Variants in NCKAP5 observed in about 807,000 individuals in gnomAD.
The protein encoded by NCKAP5 is NCK associated protein 5, also known as nck-associated protein 5.
NCKAP5 carries 92 observed loss-of-function variants against 167.0 expected under a neutral mutation model. The observed-to-expected ratio is 0.55, with a 90% CI of 0.47 to 0.66. NCKAP5 has a LOEUF of 0.66. NCKAP5 is among the 30% of genes least tolerant of loss of function. The probability of loss-of-function intolerance (pLI) is 0.00; values close to 1 mark genes in which losing one functional copy is unlikely to be tolerated. For synonymous variants in NCKAP5, 891 were observed against 877.4 expected, an observed-to-expected ratio of 1.02 and a Z score of -0.27; for missense variants, 2,378 against 2,315.0, an observed-to-expected ratio of 1.03 and a Z score of -0.56.
At chr2:132,978,960 G>A (rs779945355) in intron 7 of NCKAP5, among the ~76,000 whole-genome samples, 5 of 152,166 alleles carry the variant, frequency 3.3e-5, no homozygotes, top group Non-Finnish European at 7.3e-5. Context: ...AGAGTCAGAA[G>A]CAATTATGGT....
At chr2:133,597,458 A>C in the NCKAP5 span, among the ~76,000 whole-genome samples, 2 of 152,118 alleles carry the variant, frequency 1.3e-5, no homozygotes, top group Admixed American at 1.3e-4. Context: ...TCACGAGGTC[A>C]GGAGACCGAG....
intron 3 of NCKAP5, among the ~76,000 whole-genome samples, chr2:133,438,187 T>C (rs1690614003): frequency 6.6e-6 from 1 of 152,216 alleles, no homozygotes; most frequent in Admixed American, 6.5e-5. Context: ...CATATTTCAG[T>C]GTGAGCCACA....
chr2:132,930,364 G>A (rs956499790), intron 8 of NCKAP5: 6 of 151,976 alleles, frequency 3.9e-5, no homozygotes, highest in Admixed American at 1.3e-4. Flanking sequence ...TATCTATGAA[G>A]GTGTTTCAAG....
intron 11 of NCKAP5, among the ~76,000 whole-genome samples, chr2:132,856,761 C>G (rs1199430251): frequency 3.9e-5 from 6 of 152,144 alleles, no homozygotes. Flanking sequence ...CAGAAGCCCT[C>G]TGATCTGACT....
intron 6 of NCKAP5, among the ~76,000 whole-genome samples, chr2:133,031,103 T>C (rs917130532): frequency 2.0e-5 from 3 of 151,712 alleles, no homozygotes; most frequent in Admixed American, 6.6e-5. Context: ...AACAACTTCA[T>C]ATACAGAAAA....
intron 4 of NCKAP5, among the ~76,000 whole-genome samples, chr2:133,253,304 G>A (rs187015559): frequency 2.8e-4 from 42 of 152,272 alleles, no homozygotes; most frequent in Admixed American, 2.5e-3. Flanking sequence ...GCATTCTGCC[G>A]GACCTTTACA....
chr2:132,841,815 T>G (rs1179885585), intron 11 of NCKAP5, among the ~76,000 whole-genome samples: 1 of 152,160 alleles, frequency 6.6e-6, no homozygotes, highest in Non-Finnish European at 1.5e-5. Flanking sequence ...TGTATTATGT[T>G]GATATATTTC....
At chr2:133,546,444 GC>G (rs1323721202) in intron 2 of NCKAP5, among the ~76,000 whole-genome samples, 1 of 152,150 alleles carries the variant, frequency 6.6e-6, no homozygotes, top group African/African-American at 2.4e-5. Flanking sequence ...TGATAAACCT[GC>G]CGTCCTGCTC....
intron 6 of NCKAP5, among the ~76,000 whole-genome samples, chr2:133,095,639 G>T (rs1188078131): frequency 6.6e-6 from 1 of 152,172 alleles, no homozygotes; most frequent in Non-Finnish European, 1.5e-5. Flanking sequence ...GCTAAGCCGG[G>T]CAACCCAGAC....
At chr2:132,957,140 A>T (rs1407861024) in intron 8 of NCKAP5, among the ~76,000 whole-genome samples, 2 of 152,176 alleles carry the variant, frequency 1.3e-5, no homozygotes, top group East Asian at 1.9e-4. Context: ...TTGAATGCTT[A>T]ATAGGCATCT....
At chr2:133,171,718 C>G (rs896944566) in intron 5 of NCKAP5, among the ~76,000 whole-genome samples, 2 of 152,180 alleles carry the variant, frequency 1.3e-5, no homozygotes, top group Non-Finnish European at 2.9e-5. Flanking sequence ...ACAAGTGAAC[C>G]AGACAACAAT....
chr2:133,327,338 G>T (rs1322718839), intron 3 of NCKAP5, among the ~76,000 whole-genome samples: 1 of 152,078 alleles, frequency 6.6e-6, no homozygotes, highest in Non-Finnish European at 1.5e-5. Flanking sequence ...TCAGCATCTG[G>T]AATTGTTTTT....
intron 6 of NCKAP5, among the ~76,000 whole-genome samples, chr2:133,039,188 T>G (rs1012330939): frequency 6.6e-6 from 1 of 152,170 alleles, no homozygotes; most frequent in Non-Finnish European, 1.5e-5. Context: ...GTGATGGGTT[T>G]TTAAGTGTCT....
chr2:132,737,761 A>G (rs1691654512), intron 16 of NCKAP5, among the ~76,000 whole-genome samples: 1 of 152,220 alleles, frequency 6.6e-6, no homozygotes, highest in African/African-American at 2.4e-5. Context: ...CAAGAGGCAC[A>G]CTGTTATAAT....
chr2:133,151,512 G>A (rs1040623247), intron 5 of NCKAP5, among the ~76,000 whole-genome samples: 3 of 152,114 alleles, frequency 2.0e-5, no homozygotes, highest in Admixed American at 2.0e-4. Flanking sequence ...CCAAAGGTAC[G>A]CAGAGGGCAA....
chr2:132,885,926 C>A (rs1292891871), intron 8 of NCKAP5, among the ~76,000 whole-genome samples: 5 of 152,244 alleles, frequency 3.3e-5, no homozygotes, highest in African/African-American at 4.8e-5. Flanking sequence ...CTTTTCACCT[C>A]TTATACTTTG....
At chr2:133,673,725 A>C in the NCKAP5 span, among the ~76,000 whole-genome samples, 1 of 152,248 alleles carries the variant, frequency 6.6e-6, no homozygotes, top group South Asian at 2.1e-4. Context: ...AATTTTGGAA[A>C]GTCTCAGCTT....
chr2:133,007,862 T>C (rs2078020895), intron 6 of NCKAP5, among the ~76,000 whole-genome samples: 1 of 152,200 alleles, frequency 6.6e-6, no homozygotes, highest in African/African-American at 2.4e-5. Flanking sequence ...GAATGTAGTA[T>C]GGATTTTCAC....
chr2:132,955,776 A>T (rs1053389785), intron 8 of NCKAP5, among the ~76,000 whole-genome samples: 1 of 152,208 alleles, frequency 6.6e-6, no homozygotes, highest in African/African-American at 2.4e-5. Flanking sequence ...TCCCAAAAAC[A>T]GTGTAAAGGT....
Sources: gnomAD v4.1 joint callset for allele counts (sites outside exome capture counted in the v4.1 genomes callset) on GRCh38, gnomAD v4.1.1 for gene constraint, MANE v1.5 for transcripts, NCBI Gene and HGNC (gene_info 2026-07-23, HGNC 2026-07-21) for gene names.